Variants in TSC1 observed in about 807,000 individuals in gnomAD.
TSC1 encodes the protein TSC complex subunit 1, also known as hamartin.
TSC1 carries 20 observed loss-of-function variants against 124.3 expected under a neutral mutation model. The observed-to-expected ratio is 0.16, with a 90% CI of 0.11 to 0.23. TSC1 has a LOEUF of 0.23. Ranked by LOEUF, TSC1 falls within the 10% of genes least tolerant of loss-of-function variation. TSC1 has a pLI of 1.00. For missense variants in TSC1, 1,124 were observed against 1,448.5 expected, an observed-to-expected ratio of 0.78 and a Z score of 3.64; for synonymous variants, 493 against 539.1, an observed-to-expected ratio of 0.91 and a Z score of 1.19.
intron 6 of TSC1, among the ~76,000 whole-genome samples, chr9:132,922,702 T>C (rs1004812013): frequency 9.9e-5 from 15 of 152,222 alleles, no homozygotes; most frequent in African/African-American, 3.6e-4. Flanking sequence ...CGTGGGCCTA[T>C]GCTTGTAATT....
intron 15 of TSC1, 34 bp from the exon 16 acceptor site, chr9:132,904,488 GA>G (rs1564479734): frequency 6.2e-7 from 1 of 1,610,336 alleles, no homozygotes; most frequent in East Asian, 2.2e-5. Context: ...CAAAGTTACC[GA>G]TCTTACCAAG....
At position 132,910,939 on chromosome 9, in the gene TSC1, C is replaced by G. The variant is rs77891974; in HGVS notation, c.1141+63G>C. On this transcript the variant is annotated intron_variant, in intron 11 of 22. Coordinates refer to ENST00000298552, the MANE Select transcript of TSC1 (RefSeq NM_000368.5). ...GTGGTCCCTTAGATCTAAAAGAGAGCTCCTCCTGCCATTAAAGGCAGGCCA... is the reference window on the plus strand; with the variant it reads ...GTGGTCCCTTAGATCTAAAAGAGAGGTCCTCCTGCCATTAAAGGCAGGCCA... The G allele has an allele frequency of 2.7e-6, 4 of 1,469,736 alleles. No individual in the cohort carries two copies. In the Admixed American group the frequency reaches 5.0e-5, roughly 18 times the overall value. The allele number at this position is 1,469,736 out of a possible 1,614,324, so 91.0% of individuals were successfully genotyped here. A position where few individuals can be genotyped will look rare whatever the true frequency, so the allele number is the denominator to read the frequency against.
At chr9:132,928,372 T>C (rs770364740) in intron 3 of TSC1, among the ~76,000 whole-genome samples, 11 of 152,208 alleles carry the variant, frequency 7.2e-5, no homozygotes, top group Non-Finnish European at 1.0e-4. Flanking sequence ...ATATTTAATT[T>C]TGCCAACCTG....
chr9:132,923,785 C>A lies in TSC1; in HGVS notation c.364-293G>T. ...TTGACTTGGGGACACCCAAGTCCTG[C>A]AGCCTTAGGATGCCCTATTGATAGC... On this transcript the variant is annotated intron_variant, in intron 5 of 22. Coordinates refer to ENST00000298552, the MANE Select transcript of TSC1 (RefSeq NM_000368.5). The surrounding 1 kb of genome is among the most constrained non-coding windows in gnomAD (Gnocchi z 4.2). 1 of 405,560 alleles carries A rather than the reference C, an allele frequency of 2.5e-6. No homozygotes were observed. Among genetic ancestry groups the A allele is most frequent in the Non-Finnish European group, 4.6e-6 (1 of 218,022 alleles). 25.1% of individuals were successfully genotyped at this position (405,560 alleles called of 1,614,324 possible). A position where few individuals can be genotyped will look rare whatever the true frequency, so the allele number is the denominator to read the frequency against.
chr9:132,912,311 C>G lies in TSC1; in HGVS notation c.884G>C (p.Ser295Thr), dbSNP rs1415705359. The change falls in exon 9 of 23, where the codon AGC (serine) becomes ACC (threonine). Residue 295 changes from serine (S) to threonine (T), a missense_variant. Physicochemically the swap from Ser to Thr is moderately conservative, Grantham distance 58 (BLOSUM62 1). Around this residue, in one of 5 missense-constraint regions of TSC1, gnomAD observed 463 missense variants for 606.8 expected, o/e 0.76. Transcript: ENST00000298552. ...FPHRSADVTTSPYADTQNSYG... is the reference protein window; with the variant it reads ...FPHRSADVTTTPYADTQNSYG... ...GCTATTCTGTGTGTCAGCATAAGGG[C>G]TGGTGGTGACATCGGCTGAACGATG... is the stretch of plus-strand genomic sequence containing the variant. 3 of 1,614,032 alleles carry G rather than the reference C, an allele frequency of 1.9e-6. No homozygotes were observed. The highest frequency in any genetic ancestry group is 1.3e-5 in the African/African-American group (1 of 74,904).
chr9:132,904,914 C>G (rs1330580972), intron 15 of TSC1, among the ~76,000 whole-genome samples: 1 of 152,206 alleles, frequency 6.6e-6, no homozygotes, highest in African/African-American at 2.4e-5. Flanking sequence ...CCTATCATAC[C>G]AAATCTCGTT....
Position 132,896,246 on chromosome 9 carries a change from CATG to C in TSC1, c.3481_3483del (p.His1161del). Reference sequence around the variant, plus strand: ...TTGACCATCATTCCTTAGCTGTGTTCATGATGAGTCTCATTGTAGTCCATGATA... The same window carrying C: ...TTGACCATCATTCCTTAGCTGTGTTCATGAGTCTCATTGTAGTCCATGATA... On this transcript the variant is annotated inframe_deletion, in exon 23 of 23. Transcript: ENST00000298552. This position sits in a 1 kb window ranked among gnomAD's most constrained non-coding sequence, Gnocchi z 4.5. The C allele has an allele frequency of 1.2e-6, 2 of 1,614,174 alleles. No homozygotes were observed. Among genetic ancestry groups the C allele is most frequent in the Non-Finnish European group, 1.7e-6 (2 of 1,180,042 alleles).
At position 132,922,268 on chromosome 9, in the gene TSC1, A is replaced by G. The variant is rs151097777; in HGVS notation, c.509-295T>C. Among the ~76,000 whole-genome samples the G allele has an allele frequency of 3.8e-4, 58 of 152,312 alleles. 1 individual carries two copies. The East Asian group carries it at 0.01, about 27-fold the overall frequency. On this transcript the variant is annotated intron_variant, in intron 6 of 22. Coordinates refer to ENST00000298552, the MANE Select transcript of TSC1 (RefSeq NM_000368.5). ...TGCCCTCCTCTTCAGCCACTGCCCA[A>G]AAAGGATCCCAAACATTCTCACAAT...
chr9:132,910,351 T>C (rs1452952444), intron 12 of TSC1: 1 of 727,600 alleles, frequency 1.4e-6, no homozygotes, highest in Non-Finnish European at 2.3e-6. Flanking sequence ...ACCTGCTGGG[T>C]TCCCCACAAG....
intron 2 of TSC1, among the ~76,000 whole-genome samples, 168 bp from the exon 3 acceptor site, chr9:132,929,120 G>A (rs986108812): frequency 2.6e-5 from 4 of 152,268 alleles, no homozygotes; most frequent in African/African-American, 9.6e-5. Context: ...AAGATAAAGT[G>A]TATGAATAAT....
intron 13 of TSC1, 25 bp downstream of exon 13, chr9:132,907,276 G>A (rs367805446): frequency 1.8e-5 from 29 of 1,599,574 alleles, no homozygotes; most frequent in African/African-American, 5.4e-5. Flanking sequence ...GGCAAGCAAG[G>A]CCTGTAGTAA....
Position 132,931,832 on chromosome 9 carries a change from T to C in TSC1, c.-80-2880A>G, listed in dbSNP as rs190261765. ...GCAGAAAAAAAGACATGGTTCAATA[T>C]GTGTACAAAAAAGGGGAAGAAACCA... On this transcript the variant is annotated intron_variant, in intron 2 of 22. Coordinates refer to ENST00000298552, the MANE Select transcript of TSC1 (RefSeq NM_000368.5). Among the ~76,000 whole-genome samples, 11 of 152,300 alleles carry C rather than the reference T, an allele frequency of 7.2e-5. No homozygotes were observed. In the East Asian group the frequency reaches 1.9e-3, roughly 27 times the overall value.
Position 132,906,247 on chromosome 9 carries a change from G to A in TSC1, c.1439-108C>T. 1 of 1,303,526 alleles carries A rather than the reference G, an allele frequency of 7.7e-7. No homozygotes were observed. Among genetic ancestry groups the A allele is most frequent in the Non-Finnish European group, 1.1e-6 (1 of 929,064 alleles). 80.7% of individuals were successfully genotyped at this position (1,303,526 alleles called of 1,614,324 possible). A position where few individuals can be genotyped will look rare whatever the true frequency, so the allele number is the denominator to read the frequency against. On this transcript the variant is annotated intron_variant, in intron 14 of 22. Transcript: ENST00000298552. The surrounding 1 kb of genome is among the most constrained non-coding windows in gnomAD (Gnocchi z 4.1). The stretch of plus-strand genomic sequence containing the variant: ...ACATGCCAGTGTCACTCAGAGAGAG[G>A]AGAAAAAGTGGCATCCGGCTGGACA...
intron 2 of TSC1, chr9:132,931,192 A>G (rs1368017898): frequency 6.6e-6 from 1 of 152,204 alleles, no homozygotes; most frequent in East Asian, 1.9e-4. Context: ...TTTTGTTTCA[A>G]TAAAATTGTT....
chr9:132,897,055 G>C, intron 22 of TSC1, 129 bp downstream of exon 22: 3 of 1,470,622 alleles, frequency 2.0e-6, no homozygotes, highest in Non-Finnish European at 2.8e-6. Flanking sequence ...GTGGGTCTCT[G>C]ACACGGAGTG....
rs199517042 is a variant in TSC1 at position 132,901,651 on chromosome 9, G to A, written c.2440C>T (p.Leu814=). The A allele has an allele frequency of 6.2e-7, 1 of 1,614,138 alleles. No individual in the cohort carries two copies. The highest frequency in any genetic ancestry group is 8.5e-7 in the Non-Finnish European group (1 of 1,180,038). ...CACACCTTGTTGTTGGCCTTCTTCA[G>A]TTCTATCCGCAGCTCCGCAATCATG... ...RNMIAELRIE[L]KKANNKVCHT... The change falls in exon 19 of 23, where the codon CTG becomes TTG. Residue 814 remains leucine (L), a synonymous_variant. Coordinates refer to ENST00000298552, the MANE Select transcript of TSC1 (RefSeq NM_000368.5).
chr9:132,905,236 T>C (rs1319312095), intron 15 of TSC1, among the ~76,000 whole-genome samples: 1 of 152,330 alleles, frequency 6.6e-6, no homozygotes, highest in African/African-American at 2.4e-5. Flanking sequence ...CAAATATTCT[T>C]ATATTCTTTG....
Position 132,893,447 on chromosome 9 carries a change from T to G in TSC1, c.*2788A>C, listed in dbSNP as rs1406557290. On this transcript the variant is annotated 3_prime_UTR_variant, in exon 23 of 23. Transcript: ENST00000298552. ...ACGGCTTTTTGAAAATCCATCAAAGTTCTATCAGATGCAGATCTGTGTGTT... is the reference window on the plus strand; with the variant it reads ...ACGGCTTTTTGAAAATCCATCAAAGGTCTATCAGATGCAGATCTGTGTGTT... The G allele has an allele frequency of 4.3e-6, 1 of 233,130 alleles. No homozygotes were observed. Among genetic ancestry groups the G allele is most frequent in the Non-Finnish European group, 8.5e-6 (1 of 118,062 alleles). The allele number at this position is 233,130 out of a possible 1,614,324, so 14.4% of individuals were successfully genotyped here. A position where few individuals can be genotyped will look rare whatever the true frequency, so the allele number is the denominator to read the frequency against.
chr9:132,940,131 C>T (rs1379102405), intron 1 of TSC1, among the ~76,000 whole-genome samples: 3 of 151,800 alleles, frequency 2.0e-5, no homozygotes, highest in South Asian at 2.1e-4. Context: ...CTGACAAGCA[C>T]GTAGCAGGTT....
Sources: allele counts gnomAD v4.1 joint callset (sites outside exome capture counted in the v4.1 genomes callset), GRCh38; gene constraint gnomAD v4.1.1; regional missense constraint gnomAD v4.1.1; non-coding constraint Gnocchi (gnomAD v3.1); transcripts MANE v1.5; gene names NCBI Gene and HGNC (gene_info 2026-07-23, HGNC 2026-07-21).